The following VKORC1L1 variants were observed in gnomAD, a reference collection of about 807,000 sequenced individuals.
The protein encoded by VKORC1L1 is vitamin K epoxide reductase complex subunit 1L1, also known as vitamin K epoxide reductase complex subunit 1-like protein 1.
In VKORC1L1, 2 loss-of-function variants were observed where a neutral mutation model predicts 18.9. That is an observed-to-expected ratio of 0.11 (90% CI 0.04 to 0.33). The LOEUF is 0.33. Among genes scored for constraint, VKORC1L1 ranks in the 10% least tolerant of loss-of-function variants. VKORC1L1 has a pLI of 1.00. For missense variants in VKORC1L1, 123 were observed against 224.1 expected (o/e 0.55, Z 2.88); for synonymous variants, 96 against 100.0 (o/e 0.96, Z 0.24).
intron 1 of VKORC1L1, among the ~76,000 whole-genome samples, chr7:65,941,340 T>A (rs1790029581): frequency 6.6e-6 from 1 of 152,130 alleles, no homozygotes; most frequent in Non-Finnish European, 1.5e-5. Context: ...GATCTTGAAC[T>A]CCTGGGCTTA....
At chr7:65,953,953 G>T in intron 2 of VKORC1L1, 121 bp from the exon 3 acceptor site, 1 of 814,822 alleles carries the variant, frequency 1.2e-6, no homozygotes. Context: ...TCAATTTTCA[G>T]AGTTGGCAGG....
rs1491345250 is a variant in VKORC1L1 at position 65,909,737 on chromosome 7, T to TGTGTGTGTGTGTGTGTGTGA, written c.194+36173_194+36174insTGTGTGTGTGTGTGTGTGAG. On this transcript the variant is annotated intron_variant, in intron 1 of 2. Transcript: ENST00000360768. ...GTGTGTGTGTGTGTGTGTGTGTGTG[T>TGTGTGTGTGTGTGTGTGTGA]GACGGAGGCTTGCTCTGTCGCCCAG... is the stretch of plus-strand genomic sequence containing the variant. Among the ~76,000 whole-genome samples the TGTGTGTGTGTGTGTGTGTGA allele has an allele frequency of 3.4e-5, 5 of 145,268 alleles. No homozygotes were observed. The East Asian group carries it at 6.1e-4, about 18-fold the overall frequency.
Position 65,873,293 on chromosome 7 carries a change from T to A in VKORC1L1, c.-79T>A, listed in dbSNP as rs1466373791. On this transcript the variant is annotated 5_prime_UTR_variant, in exon 1 of 3. Coordinates refer to ENST00000360768, the MANE Select transcript of VKORC1L1 (RefSeq NM_173517.6). The stretch of plus-strand genomic sequence containing the variant: ...GCGGCGGAGGCGGCGGTGGCGGCGG[T>A]GGCGGCTGGGTCGGGCCCCGACGGG... 9.8e-7 allele frequency: 1 copy of A among 1,020,434 alleles called. No homozygotes were observed. Among genetic ancestry groups the A allele is most frequent in the Non-Finnish European group, 1.2e-6 (1 of 860,098 alleles). The allele number at this position is 1,020,434 out of a possible 1,614,324, so 63.2% of individuals were successfully genotyped here. A position where few individuals can be genotyped will look rare whatever the true frequency, so the allele number is the denominator to read the frequency against.
Position 65,954,549 on chromosome 7 carries a change from A to T in VKORC1L1, c.*249A>T. 1.6e-6 allele frequency: 1 copy of T among 639,766 alleles called. No homozygotes were observed. The highest frequency in any genetic ancestry group is 2.4e-6 in the Non-Finnish European group (1 of 415,502). 39.6% of individuals were successfully genotyped at this position (639,766 alleles called of 1,614,324 possible). On this transcript the variant is annotated 3_prime_UTR_variant, in exon 3 of 3. Transcript: ENST00000360768. ...AAAGACAAGCTTTAACTTTACTTTG[A>T]AGTGTTTCTGAAATGATAAAATGTA...
chr7:65,903,026 C>T (rs2116397075), intron 1 of VKORC1L1, among the ~76,000 whole-genome samples: 1 of 152,090 alleles, frequency 6.6e-6, no homozygotes, highest in South Asian at 2.1e-4. Flanking sequence ...ACCACCATGA[C>T]TGGCTAATTT....
intron 1 of VKORC1L1, among the ~76,000 whole-genome samples, chr7:65,931,870 G>A (rs1789863891): frequency 6.6e-6 from 1 of 151,970 alleles, no homozygotes; most frequent in Non-Finnish European, 1.5e-5. Flanking sequence ...TCAAACTCCT[G>A]ACCTCAGGTG....
chr7:65,928,082 C>T (rs953768905), intron 1 of VKORC1L1, among the ~76,000 whole-genome samples: 1 of 152,034 alleles, frequency 6.6e-6, no homozygotes, highest in African/African-American at 2.4e-5. Context: ...TTATTTTCTA[C>T]ATGCCCCAAG....
intron 1 of VKORC1L1, among the ~76,000 whole-genome samples, chr7:65,919,874 A>G (rs1282304798): frequency 1.3e-5 from 2 of 152,154 alleles, no homozygotes; most frequent in African/African-American, 2.4e-5. Context: ...TGGCTGACAC[A>G]GTGAAACTCT....
intron 1 of VKORC1L1, among the ~76,000 whole-genome samples, chr7:65,900,150 G>A (rs1191094109): frequency 3.9e-5 from 6 of 151,916 alleles, no homozygotes; most frequent in East Asian, 1.9e-4. Flanking sequence ...AGCATTTTGG[G>A]AGGCTGAGGT....
chr7:65,903,814 A>T (rs535043764), intron 1 of VKORC1L1, among the ~76,000 whole-genome samples: 1 of 151,308 alleles, frequency 6.6e-6, no homozygotes, highest in South Asian at 2.1e-4. Context: ...ACTTGTTGCC[A>T]GCAGACCTGC....
At chr7:65,866,138 C>T in the VKORC1L1 span, among the ~76,000 whole-genome samples, 4 of 151,950 alleles carry the variant, frequency 2.6e-5, no homozygotes, top group Non-Finnish European at 5.9e-5. Flanking sequence ...TCCTGGGCTC[C>T]GTATGACTTG....
chr7:65,873,713 G>C lies in VKORC1L1; in HGVS notation c.194+148G>C, dbSNP rs564939848. 6.4e-4 allele frequency: 489 copies of C among 764,992 alleles called. 15 individuals carry two copies. The Middle Eastern group carries it at 0.014, about 22-fold the overall frequency. 47.4% of individuals were successfully genotyped at this position (764,992 alleles called of 1,614,324 possible). A position where few individuals can be genotyped will look rare whatever the true frequency, so the allele number is the denominator to read the frequency against. ...GACGGGGTCGGGTCGGGGCCAGGCGGGGGGCGGCGGCGGGGCGCTCCTGCC... is the reference window on the plus strand; with the variant it reads ...GACGGGGTCGGGTCGGGGCCAGGCGCGGGGCGGCGGCGGGGCGCTCCTGCC... On this transcript the variant is annotated intron_variant, in intron 1 of 2. Coordinates refer to ENST00000360768, the MANE Select transcript of VKORC1L1 (RefSeq NM_173517.6).
At chr7:65,947,026 A>G (rs948317693) in intron 1 of VKORC1L1, among the ~76,000 whole-genome samples, 11 of 152,028 alleles carry the variant, frequency 7.2e-5, no homozygotes, top group Admixed American at 7.2e-4. Context: ...AGTCTCAGCT[A>G]CTTCGGGAGG....
rs373867589 is a variant in VKORC1L1 at position 65,921,327 on chromosome 7, C to A, written c.195-27344C>A. Among the ~76,000 whole-genome samples the A allele has an allele frequency of 3.3e-5, 5 of 152,258 alleles. 1 individual carries two copies. Among genetic ancestry groups the A allele is most frequent in the Non-Finnish European group, 1.5e-5 (1 of 68,004 alleles). ...GTTCATTTTTCTCTTTCCTTGCCTTCTTTTGGATTAATCAAACATCTTATT... is the reference window on the plus strand; with the variant it reads ...GTTCATTTTTCTCTTTCCTTGCCTTATTTTGGATTAATCAAACATCTTATT... On this transcript the variant is annotated intron_variant, in intron 1 of 2. Coordinates refer to ENST00000360768, the MANE Select transcript of VKORC1L1 (RefSeq NM_173517.6).
intron 1 of VKORC1L1, among the ~76,000 whole-genome samples, chr7:65,947,093 G>T (rs1036467338): frequency 3.9e-5 from 6 of 152,068 alleles, no homozygotes; most frequent in Non-Finnish European, 5.9e-5. Context: ...AGTCATGATT[G>T]CAACTGCACT....
intron 1 of VKORC1L1, among the ~76,000 whole-genome samples, chr7:65,895,481 ATATATATATATATATATATAT>A (rs1323418989): frequency 1.3e-4 from 3 of 23,592 alleles, no homozygotes; most frequent in African/African-American, 5.7e-4. Flanking sequence ...AAAAAAAAAA[ATATATATATATATATATATAT>A]ATATATATAT....
At chr7:65,889,273 C>T (rs1389210628) in intron 1 of VKORC1L1, among the ~76,000 whole-genome samples, 1 of 152,190 alleles carries the variant, frequency 6.6e-6, no homozygotes, top group Non-Finnish European at 1.5e-5. Context: ...TTGAGTACTT[C>T]ATTTGCTAAT....
chr7:65,875,802 C>G (rs1015114880), intron 1 of VKORC1L1, among the ~76,000 whole-genome samples: 8 of 152,134 alleles, frequency 5.3e-5, no homozygotes, highest in Admixed American at 5.2e-4. Flanking sequence ...CAGTAGTACT[C>G]AAATATGTGA....
At chr7:65,926,855 G>GA (rs1789773342) in intron 1 of VKORC1L1, among the ~76,000 whole-genome samples, 1 of 152,144 alleles carries the variant, frequency 6.6e-6, no homozygotes. Flanking sequence ...CTCAGGAAGG[G>GA]AAAACCAAAA....
Sources: allele counts gnomAD v4.1 joint callset (sites outside exome capture counted in the v4.1 genomes callset), GRCh38; gene constraint gnomAD v4.1.1; transcripts MANE v1.5; gene names NCBI Gene and HGNC (gene_info 2026-07-23, HGNC 2026-07-21).